Variants in ZC3HAV1 observed in about 807,000 individuals in gnomAD.
The protein encoded by ZC3HAV1 is zinc finger CCCH-type antiviral protein 1.
ZC3HAV1 carries 41 observed loss-of-function variants against 86.6 expected under a neutral mutation model. The ratio of observed to expected loss-of-function variants is 0.47; its 90% CI spans 0.37 to 0.61. The LOEUF (loss-of-function observed/expected upper bound fraction) is 0.61. ZC3HAV1 is among the 20% of genes least tolerant of loss of function. The probability of loss-of-function intolerance (pLI) is 0.00; values close to 1 mark genes in which losing one functional copy is unlikely to be tolerated. For missense variants in ZC3HAV1, 964 were observed against 1,141.1 expected (o/e 0.84, Z 2.24); for synonymous variants, 421 against 432.1 (o/e 0.97, Z 0.32).
chr7:139,091,425 G>C (rs1183957121), intron 1 of ZC3HAV1, among the ~76,000 whole-genome samples: 1 of 151,958 alleles, frequency 6.6e-6, no homozygotes, highest in African/African-American at 2.4e-5. Flanking sequence ...CCGAGATCGC[G>C]CCACTGCACT....
chr7:139,089,125 A>AG (rs1817359311), intron 2 of ZC3HAV1, among the ~76,000 whole-genome samples: 2 of 151,454 alleles, frequency 1.3e-5, no homozygotes, highest in Non-Finnish European at 2.9e-5. Flanking sequence ...AAAAAAAAAA[A>AG]AAAAGGGTGG....
intron 4 of ZC3HAV1, chr7:139,079,141 G>A: frequency 6.5e-7 from 1 of 1,536,158 alleles, no homozygotes; most frequent in Non-Finnish European, 8.7e-7. Flanking sequence ...TGAGCTCGCT[G>A]GCAGAGGAAA....
chr7:139,096,684 A>G (rs1182584800), intron 1 of ZC3HAV1, among the ~76,000 whole-genome samples: 1 of 152,352 alleles, frequency 6.6e-6, no homozygotes, highest in East Asian at 1.9e-4. Context: ...TTTATTCAGA[A>G]CTAAAAAATT....
intron 2 of ZC3HAV1, among the ~76,000 whole-genome samples, chr7:139,088,602 G>A (rs1418808092): frequency 1.3e-5 from 2 of 152,126 alleles, no homozygotes; most frequent in Non-Finnish European, 2.9e-5. Flanking sequence ...TGACATCATT[G>A]AGTCTAGCTG....
At chr7:139,107,176 T>C (rs1314332439) in intron 1 of ZC3HAV1, among the ~76,000 whole-genome samples, 2 of 152,212 alleles carry the variant, frequency 1.3e-5, no homozygotes, top group Non-Finnish European at 1.5e-5. Flanking sequence ...TTTTCTATCC[T>C]CCACCCTCTG....
chr7:139,109,007 C>T lies in ZC3HAV1; in HGVS notation c.308+17G>A. The T allele has an allele frequency of 6.5e-7, 1 of 1,532,212 alleles. No individual in the cohort carries two copies. The highest frequency in any genetic ancestry group is 1.2e-5 in the South Asian group (1 of 81,192). The allele number at this position is 1,532,212 out of a possible 1,614,324, so 94.9% of individuals were successfully genotyped here. A position where few individuals can be genotyped will look rare whatever the true frequency, so the allele number is the denominator to read the frequency against. ...ACCACGGCTGCGGACAGCGCCCCTC[C>T]CTCCGGGTGCACTCACCGCTCGGAC... On this transcript the variant is annotated intron_variant, in intron 1 of 12. Coordinates refer to ENST00000242351, the MANE Select transcript of ZC3HAV1 (RefSeq NM_020119.4).
At chr7:139,075,293 CAT>C (rs1479686140) in intron 6 of ZC3HAV1, among the ~76,000 whole-genome samples, 4 of 152,166 alleles carry the variant, frequency 2.6e-5, no homozygotes, top group Non-Finnish European at 5.9e-5. Context: ...ACTAAATTCT[CAT>C]ATGATGAAAA....
At chr7:139,103,625 C>T (rs1242185887) in intron 1 of ZC3HAV1, among the ~76,000 whole-genome samples, 2 of 152,102 alleles carry the variant, frequency 1.3e-5, no homozygotes, top group East Asian at 3.8e-4. Context: ...ATTCCACTTC[C>T]TAATGATCTA....
intron 8 of ZC3HAV1, 79 bp downstream of exon 8, chr7:139,064,800 C>T (rs879575245): frequency 6.2e-7 from 1 of 1,606,450 alleles, no homozygotes; most frequent in Non-Finnish European, 8.5e-7. Context: ...GCAATGCATA[C>T]CCACTCTGCT....
intron 6 of ZC3HAV1, 21 bp from the exon 7 acceptor site, chr7:139,074,051 G>T: frequency 6.2e-7 from 1 of 1,601,486 alleles, no homozygotes; most frequent in African/African-American, 1.3e-5. Context: ...AAAGTATTAA[G>T]TTAACATAAT....
intron 12 of ZC3HAV1, among the ~76,000 whole-genome samples, chr7:139,051,446 G>A (rs1046398225): frequency 2.1e-5 from 3 of 142,178 alleles, no homozygotes; most frequent in East Asian, 2.0e-4. Flanking sequence ...TTGCTCTGTC[G>A]CCCAGGCTAG....
chr7:139,076,497 T>C, intron 5 of ZC3HAV1, 88 bp from the exon 6 acceptor site: 2 of 1,544,934 alleles, frequency 1.3e-6, no homozygotes, highest in Non-Finnish European at 1.8e-6. Flanking sequence ...TCCCCATCCA[T>C]GCCTGCCCTG....
chr7:139,047,355 A>C lies in ZC3HAV1; in HGVS notation c.*239T>G, dbSNP rs1262337426. On this transcript the variant is annotated 3_prime_UTR_variant, in exon 13 of 13. Transcript: ENST00000242351. ...AAAAAAAAAAAAAAAAAAAAAATAC[A>C]ACTGCCTGGCGCTGACGCCCAGAAA... 4.7e-6 allele frequency: 2 copies of C among 426,848 alleles called. No homozygotes were observed. Among genetic ancestry groups the C allele is most frequent in the Admixed American group, 9.4e-5 (2 of 21,272 alleles). The allele number at this position is 426,848 out of a possible 1,614,324, so 26.4% of individuals were successfully genotyped here.
rs1816856988 is a variant in ZC3HAV1, at chr7:139,073,966, G to A, written c.1762C>T (p.Arg588Cys). ...VMSCDSFPIR[R>C]LSTPSSVTKP... ...GTGACAGAAGAAGGAGTGGAGAGGCGTCGGATGGGAAAGGAATCACAACTC... is the reference window on the plus strand; with the variant it reads ...GTGACAGAAGAAGGAGTGGAGAGGCATCGGATGGGAAAGGAATCACAACTC... Residue 588 changes from arginine to cysteine, a missense_variant, in exon 7 of 13, where the codon CGC becomes TGC. Physicochemically the swap from Arg to Cys is radical, Grantham distance 180 (BLOSUM62 -3). Coordinates refer to ENST00000242351, the MANE Select transcript of ZC3HAV1 (RefSeq NM_020119.4). The A allele has an allele frequency of 6.2e-6, 10 of 1,614,004 alleles. No homozygotes were observed. The highest frequency in any genetic ancestry group is 6.8e-6 in the Non-Finnish European group (8 of 1,179,896).
At position 139,043,752 on chromosome 7, in the gene ZC3HAV1, A is replaced by G. The variant is rs200225647; in HGVS notation, c.*3842T>C. On this transcript the variant is annotated 3_prime_UTR_variant, in exon 13 of 13. Transcript: ENST00000242351. The stretch of plus-strand genomic sequence containing the variant: ...TCTAATGCAGAAAGCAGATAATTTC[A>G]GTTTGGATACATAATACAAATTATC... 9.8e-5 allele frequency: 15 copies of G among 152,372 alleles called. No homozygotes were observed. The East Asian group carries it at 2.9e-3, about 29-fold the overall frequency. 9.4% of individuals were successfully genotyped at this position (152,372 alleles called of 1,614,324 possible). A position where few individuals can be genotyped will look rare whatever the true frequency, so the allele number is the denominator to read the frequency against.
Position 139,083,961 on chromosome 7 carries a change from G to A in ZC3HAV1, c.516C>T (p.His172=). 6.2e-7 allele frequency: 1 copy of A among 1,614,146 alleles called. No individual in the cohort carries two copies. The highest frequency in any genetic ancestry group is 8.5e-7 in the Non-Finnish European group (1 of 1,180,018). ...CNQQPPCSRL[H]ICDHFTRGNC... is the part of the protein sequence containing the mutation. ...TCCCTCGGGTGAAGTGGTCACAGAT[G>A]TGGAGTCTTGAACACGGTGGCTGCT... The change falls in exon 3 of 13, where the codon CAC becomes CAT. Residue 172 remains histidine (H), a synonymous_variant. Coordinates refer to ENST00000242351, the MANE Select transcript of ZC3HAV1 (RefSeq NM_020119.4).
chr7:139,072,665 A>G (rs1338167614), intron 7 of ZC3HAV1, among the ~76,000 whole-genome samples: 1 of 152,078 alleles, frequency 6.6e-6, no homozygotes, highest in Admixed American at 6.6e-5. Flanking sequence ...TTCCCTCCCT[A>G]TTACTATGCC....
At chr7:139,078,747 T>C (rs1052320790) in intron 4 of ZC3HAV1, 94 bp from the exon 5 acceptor site, 1 of 947,278 alleles carries the variant, frequency 1.1e-6, no homozygotes, top group Non-Finnish European at 1.5e-6. Flanking sequence ...ATATCTGAAA[T>C]GGGGGCCATG....
rs980606360 is a variant in ZC3HAV1 at position 139,045,774 on chromosome 7, C to G, written c.*1820G>C. ...GGAAAGAGTTGGACAAACTGCACCC[C>G]TACAATGTGAGGGTCAAGTTCAGAA... is the stretch of plus-strand genomic sequence containing the variant. On this transcript the variant is annotated 3_prime_UTR_variant, in exon 13 of 13. Transcript: ENST00000242351. 6.6e-6 allele frequency: 1 copy of G among 151,924 alleles called. No individual in the cohort carries two copies. The highest frequency in any genetic ancestry group is 1.5e-5 in the Non-Finnish European group (1 of 68,004). 9.4% of individuals were successfully genotyped at this position (151,924 alleles called of 1,614,324 possible).
Sources: gnomAD v4.1 joint callset for allele counts (sites outside exome capture counted in the v4.1 genomes callset) on GRCh38, gnomAD v4.1.1 for gene constraint, MANE v1.5 for transcripts, NCBI Gene and HGNC (gene_info 2026-07-23, HGNC 2026-07-21) for gene names.